The following DLGAP1 variants were observed in gnomAD, a reference collection of about 807,000 sequenced individuals.
DLGAP1 encodes disks large-associated protein 1.
DLGAP1 carries 11 observed loss-of-function variants against 90.8 expected under a neutral mutation model. That is an observed-to-expected ratio of 0.12 (90% CI 0.08 to 0.20). DLGAP1 has a LOEUF of 0.20. DLGAP1 is among the 10% of genes least tolerant of loss of function. The probability of loss-of-function intolerance (pLI) is 1.00; values close to 1 mark genes in which losing one functional copy is unlikely to be tolerated. For synonymous variants in DLGAP1, 558 were observed against 540.7 expected, an observed-to-expected ratio of 1.03 and a Z score of -0.44; for missense variants, 1,050 against 1,333.8, an observed-to-expected ratio of 0.79 and a Z score of 3.31.
intron 7 of DLGAP1, among the ~76,000 whole-genome samples, chr18:3,657,467 T>A (rs1481217209): frequency 6.6e-6 from 1 of 152,204 alleles, no homozygotes; most frequent in African/African-American, 2.4e-5. Context: ...GGAGGAAGTA[T>A]GCATATACAT....
chr18:4,262,067 CT>C (rs1741029831), intron 1 of DLGAP1, among the ~76,000 whole-genome samples: 1 of 152,088 alleles, frequency 6.6e-6, no homozygotes, highest in African/African-American at 2.4e-5. Flanking sequence ...TCTTCCAATC[CT>C]AACATTCTAT....
At chr18:4,330,951 T>C (rs12957190) in intron 1 of DLGAP1, among the ~76,000 whole-genome samples, 2,851 of 151,374 alleles carry the variant, frequency 0.019, 50 homozygotes, top group Non-Finnish European at 0.029. Context: ...TATCTAACTG[T>C]AGTTGTGGAC....
At chr18:4,276,902 T>TA (rs1464730979) in intron 1 of DLGAP1, among the ~76,000 whole-genome samples, 1 of 152,238 alleles carries the variant, frequency 6.6e-6, no homozygotes, top group Non-Finnish European at 1.5e-5. Context: ...TGTAAGATTT[T>TA]AAAAAAGTGT....
intron 3 of DLGAP1, chr18:3,977,998 AC>A: frequency 5.4e-6 from 2 of 371,168 alleles, no homozygotes; most frequent in Non-Finnish European, 5.3e-6. Context: ...CCTTGGTAGC[AC>A]CAGTAGATGC....
chr18:4,377,495 C>G (rs2082037835), intron 1 of DLGAP1, among the ~76,000 whole-genome samples: 1 of 152,112 alleles, frequency 6.6e-6, no homozygotes, highest in Non-Finnish European at 1.5e-5. Context: ...TTTGATCTCA[C>G]TGAGATGAAT....
At chr18:3,591,417 G>A (rs554310973) in intron 7 of DLGAP1, among the ~76,000 whole-genome samples, 4 of 152,100 alleles carry the variant, frequency 2.6e-5, no homozygotes, top group Non-Finnish European at 5.9e-5. Context: ...GCCTGTTGCG[G>A]TGGCTCATTC....
intron 1 of DLGAP1, among the ~76,000 whole-genome samples, chr18:4,384,012 A>C (rs752019405): frequency 2.0e-5 from 3 of 152,180 alleles, no homozygotes; most frequent in Non-Finnish European, 2.9e-5. Flanking sequence ...ATGTCATAAA[A>C]TGGTAAATTG....
At chr18:4,422,387 A>G in intron 1 of DLGAP1, among the ~76,000 whole-genome samples, 1 of 151,988 alleles carries the variant, frequency 6.6e-6, no homozygotes, top group Non-Finnish European at 1.5e-5. Context: ...ATATGTATTT[A>G]AAACAATCTG....
At chr18:3,607,288 G>A (rs1233739438) in intron 7 of DLGAP1, 2 of 152,116 alleles carry the variant, frequency 1.3e-5, no homozygotes, top group African/African-American at 4.8e-5. Flanking sequence ...CTCCAGAGTA[G>A]CTGGACTACA....
At chr18:4,133,128 A>G (rs1385580776) in intron 2 of DLGAP1, among the ~76,000 whole-genome samples, 1 of 152,186 alleles carries the variant, frequency 6.6e-6, no homozygotes, top group Non-Finnish European at 1.5e-5. Flanking sequence ...TAGAGGCTGC[A>G]TGAGTGTGGA....
intron 7 of DLGAP1, among the ~76,000 whole-genome samples, chr18:3,728,312 A>G (rs1393851961): frequency 2.3e-5 from 3 of 128,190 alleles, no homozygotes; most frequent in African/African-American, 1.1e-4. Context: ...ATATATATAT[A>G]TATATATATA....
At chr18:3,571,769 G>C (rs678450) in intron 8 of DLGAP1, among the ~76,000 whole-genome samples, 7 of 151,894 alleles carry the variant, frequency 4.6e-5, no homozygotes, top group Non-Finnish European at 1.0e-4. Context: ...CTCGTGATCC[G>C]CCCGCCTCGG....
chr18:3,612,375 T>C (rs2145916062), intron 7 of DLGAP1, among the ~76,000 whole-genome samples: 1 of 152,306 alleles, frequency 6.6e-6, no homozygotes, highest in South Asian at 2.1e-4. Context: ...ATGCTCAGTG[T>C]ATTAACTCAG....
intron 1 of DLGAP1, chr18:4,293,905 T>C (rs1242172977): frequency 6.6e-6 from 1 of 152,202 alleles, no homozygotes; most frequent in Non-Finnish European, 1.5e-5. Flanking sequence ...TTAATCCATG[T>C]TTAGACTTTC....
At chr18:3,538,612 T>C (rs2052517164) in intron 9 of DLGAP1, among the ~76,000 whole-genome samples, 1 of 152,228 alleles carries the variant, frequency 6.6e-6, no homozygotes. Flanking sequence ...ATGTGTGAAT[T>C]GGATGACTCT....
chr18:3,588,320 G>A lies in DLGAP1; in HGVS notation c.1592-6072C>T, dbSNP rs148742063. Among the ~76,000 whole-genome samples, 660 of 152,246 alleles carry A rather than the reference G, an allele frequency of 4.3e-3. 4 individuals are homozygous for A. The highest frequency in any genetic ancestry group is 0.015 in the African/African-American group (626 of 41,542). On this transcript the variant is annotated intron_variant, in intron 7 of 12. Coordinates refer to ENST00000315677, the MANE Select transcript of DLGAP1 (RefSeq NM_004746.4). ...ACTAAAAATACAAAATTAGTCAGGC[G>A]TGGCAGCACATGCATCTAACCCCAG...
chr18:3,930,977 C>A (rs1357962105), intron 3 of DLGAP1, among the ~76,000 whole-genome samples: 1 of 152,210 alleles, frequency 6.6e-6, no homozygotes, highest in African/African-American at 2.4e-5. Flanking sequence ...GGCCTAACTA[C>A]CCGTCTCCAC....
At chr18:4,049,776 A>G (rs536160204) in intron 2 of DLGAP1, among the ~76,000 whole-genome samples, 1 of 152,072 alleles carries the variant, frequency 6.6e-6, no homozygotes, top group South Asian at 2.1e-4. Context: ...ACCCTTGACT[A>G]TCATCATAAT....
At chr18:3,625,364 G>C (rs1463531027) in intron 7 of DLGAP1, among the ~76,000 whole-genome samples, 1 of 152,214 alleles carries the variant, frequency 6.6e-6, no homozygotes, top group Non-Finnish European at 1.5e-5. Context: ...TGGAGGGAAG[G>C]AGAGACCTCC....
Sources: allele counts gnomAD v4.1 joint callset (sites outside exome capture counted in the v4.1 genomes callset), GRCh38; gene constraint gnomAD v4.1.1; transcripts MANE v1.5; gene names NCBI Gene and HGNC (gene_info 2026-07-23, HGNC 2026-07-21).